Variants in CFDP1 observed in about 807,000 individuals in gnomAD.
The protein encoded by CFDP1 is heterochromatin-stabilizing protein CFDP1.
CFDP1 carries 31 observed loss-of-function variants against 40.1 expected under a neutral mutation model. The observed-to-expected ratio is 0.77, with a 90% CI of 0.58 to 1.04. CFDP1 has a LOEUF of 1.04. Among genes scored for constraint, CFDP1 ranks in the 50% least tolerant of loss-of-function variants. CFDP1 has a pLI of 0.00. For missense variants in CFDP1, 423 were observed against 343.4 expected (o/e 1.23, Z -1.83); for synonymous variants, 167 against 120.0 (o/e 1.39, Z -2.56).
chr16:75,300,336 G>T (rs977193858), intron 6 of CFDP1, among the ~76,000 whole-genome samples: 1 of 152,264 alleles, frequency 6.6e-6, no homozygotes, highest in East Asian at 1.9e-4. Context: ...TGCCTAGGCT[G>T]GAGTGCAACA....
chr16:75,370,194 G>C (rs2078741467), intron 5 of CFDP1, among the ~76,000 whole-genome samples: 1 of 151,892 alleles, frequency 6.6e-6, no homozygotes, highest in Non-Finnish European at 1.5e-5. Context: ...CCAGGTTCAA[G>C]TGATTCTCCT....
intron 1 of CFDP1, among the ~76,000 whole-genome samples, chr16:75,423,473 G>A (rs1258638505): frequency 6.6e-6 from 1 of 151,826 alleles, no homozygotes; most frequent in Non-Finnish European, 1.5e-5. Flanking sequence ...ACTAATTTTT[G>A]TATTTTTAGT....
At position 75,324,082 on chromosome 16, in the gene CFDP1, C is replaced by T. The variant is rs72804148; in HGVS notation, c.651-18900G>A. Among the ~76,000 whole-genome samples the T allele has an allele frequency of 1.8e-3, 281 of 152,260 alleles. 2 individuals carry two copies. The highest frequency in any genetic ancestry group is 3.4e-3 in the Middle Eastern group (1 of 294). On this transcript the variant is annotated intron_variant, in intron 5 of 6. Coordinates refer to ENST00000283882, the MANE Select transcript of CFDP1 (RefSeq NM_006324.3). ...AGTGTGCCAGACTCTTTTTTGGCCA[C>T]TGGAGATAGACAGATTTCTTACCCT... is the stretch of plus-strand genomic sequence containing the variant.
At chr16:75,346,182 G>A (rs1199693180) in intron 5 of CFDP1, among the ~76,000 whole-genome samples, 1 of 152,182 alleles carries the variant, frequency 6.6e-6, no homozygotes, top group Non-Finnish European at 1.5e-5. Flanking sequence ...GTGAGATTGT[G>A]TCCTGGATTC....
chr16:75,352,933 T>C (rs985866479), intron 5 of CFDP1, among the ~76,000 whole-genome samples: 5 of 152,108 alleles, frequency 3.3e-5, no homozygotes, highest in African/African-American at 4.8e-5. Flanking sequence ...ATATGTGAAA[T>C]TGAAATCTGA....
chr16:75,420,497 C>A (rs1409543280), intron 1 of CFDP1, among the ~76,000 whole-genome samples: 1 of 152,158 alleles, frequency 6.6e-6, no homozygotes, highest in Non-Finnish European at 1.5e-5. Context: ...TGGCTTTGAT[C>A]TTTTCAGCTA....
At chr16:75,425,979 C>A (rs11863519) in intron 1 of CFDP1, among the ~76,000 whole-genome samples, 1 of 122,854 alleles carries the variant, frequency 8.1e-6, no homozygotes, top group Non-Finnish European at 1.6e-5. Flanking sequence ...GAGGTTGCAG[C>A]GAGCTGAGAT....
chr16:75,388,891 T>C (rs181486959), intron 5 of CFDP1, among the ~76,000 whole-genome samples: 75 of 151,284 alleles, frequency 5.0e-4, no homozygotes, highest in African/African-American at 1.8e-3. Context: ...ACATCACCTA[T>C]GATGTTGTTT....
At chr16:75,380,760 A>G (rs1363719846) in intron 5 of CFDP1, among the ~76,000 whole-genome samples, 2 of 152,190 alleles carry the variant, frequency 1.3e-5, no homozygotes, top group Admixed American at 6.5e-5. Flanking sequence ...AAGAATTAAC[A>G]TAAAAATTGG....
intron 5 of CFDP1, among the ~76,000 whole-genome samples, chr16:75,351,813 G>A (rs762916235): frequency 9.2e-5 from 14 of 151,644 alleles, no homozygotes; most frequent in Non-Finnish European, 2.1e-4. Flanking sequence ...TTCGAGACCA[G>A]CCTGGCCAAC....
In CFDP1 at chr16:75,327,942, C is replaced by A. The variant is rs143447788; in HGVS notation, c.651-22760G>T. Among the ~76,000 whole-genome samples the A allele has an allele frequency of 3.4e-3, 522 of 152,090 alleles. 2 individuals carry two copies. The highest frequency in any genetic ancestry group is 0.012 in the African/African-American group (486 of 41,492). ...ATGGGGCGTCACCATGTTGGCCAGG[C>A]TGGTCTCGAACTCCTGACCTCAGGT... On this transcript the variant is annotated intron_variant, in intron 5 of 6. Transcript: ENST00000283882.
chr16:75,355,704 A>C (rs1484415753), intron 5 of CFDP1, among the ~76,000 whole-genome samples: 1 of 152,170 alleles, frequency 6.6e-6, no homozygotes, highest in African/African-American at 2.4e-5. Flanking sequence ...TGTTCTCATG[A>C]TAATGAGTGA....
At chr16:75,429,820 G>C (rs965087774) in intron 1 of CFDP1, among the ~76,000 whole-genome samples, 1 of 152,170 alleles carries the variant, frequency 6.6e-6, no homozygotes, top group African/African-American at 2.4e-5. Context: ...AATTAGCAGT[G>C]TCGACGAAAA....
At chr16:75,316,341 T>C (rs1432420622) in intron 5 of CFDP1, among the ~76,000 whole-genome samples, 1 of 152,204 alleles carries the variant, frequency 6.6e-6, no homozygotes, top group Non-Finnish European at 1.5e-5. Flanking sequence ...TCTTATTTCT[T>C]ATGCCTCACT....
Position 75,427,063 on chromosome 16 carries a change from AC to A in CFDP1, c.64+6225del, listed in dbSNP as rs1379801640. ...GCGAGACTGTCTCAAAAAAAAAAAA[AC>A]AAAACAAATATCTGACAAAGGACTA... On this transcript the variant is annotated intron_variant, in intron 1 of 6. Transcript: ENST00000283882. Among the ~76,000 whole-genome samples the A allele has an allele frequency of 6.4e-3, 934 of 145,118 alleles. 5 individuals carry two copies. The highest frequency in any genetic ancestry group is 0.023 in the African/African-American group (890 of 39,478).
At chr16:75,313,069 T>C (rs2078304496) in intron 5 of CFDP1, among the ~76,000 whole-genome samples, 3 of 152,208 alleles carry the variant, frequency 2.0e-5, no homozygotes, top group Non-Finnish European at 2.9e-5. Context: ...TACTGGTCTA[T>C]TGTTCCACTG....
chr16:75,300,068 T>G (rs533395085), intron 6 of CFDP1, among the ~76,000 whole-genome samples: 5 of 152,192 alleles, frequency 3.3e-5, no homozygotes, highest in African/African-American at 1.2e-4. Flanking sequence ...AGGGAAGAGA[T>G]GAAAAATGGT....
intron 5 of CFDP1, among the ~76,000 whole-genome samples, chr16:75,393,737 C>CAAAAAAAAA (rs61344775): frequency 2.1e-4 from 17 of 80,616 alleles, no homozygotes; most frequent in African/African-American, 7.6e-4. Flanking sequence ...GACTCCGTCG[C>CAAAAAAAAA]AAAAAAAAAA....
chr16:75,410,016 G>T (rs1446493475), intron 4 of CFDP1, among the ~76,000 whole-genome samples: 2 of 130,538 alleles, frequency 1.5e-5, no homozygotes, highest in Non-Finnish European at 3.1e-5. Flanking sequence ...GAGCCCAGGT[G>T]TTCAAGACCA....
Sources: gnomAD v4.1 joint callset for allele counts (sites outside exome capture counted in the v4.1 genomes callset) on GRCh38, gnomAD v4.1.1 for gene constraint, MANE v1.5 for transcripts, NCBI Gene and HGNC (gene_info 2026-07-23, HGNC 2026-07-21) for gene names.